TICRR: variants seen among roughly 807,000 people sequenced by gnomAD.
TICRR encodes the protein TOPBP1 interacting checkpoint and replication regulator.
A neutral mutation model predicts 178.1 loss-of-function variants in TICRR; 132 were observed. That is an observed-to-expected ratio of 0.74 (90% confidence interval 0.64 to 0.86). TICRR has a LOEUF of 0.86. TICRR is among the 40% of genes least tolerant of loss of function. The probability of loss-of-function intolerance (pLI) is 0.00; values close to 1 mark genes in which losing one functional copy is unlikely to be tolerated. For synonymous variants in TICRR, 991 were observed against 900.7 expected (o/e 1.10, Z -1.79); for missense variants, 2,587 against 2,334.3 (o/e 1.11, Z -2.23).
Position 89,575,482 on chromosome 15 carries a change from G to A in TICRR, c.-105G>A. ...GGAGAGCGCGGGAGCCTTTCGACCA[G>A]GGTCCCAAAGGAAAGCAGTGAGTGG... On this transcript the variant is annotated 5_prime_UTR_variant, in exon 1 of 22. Transcript: ENST00000268138. The A allele has an allele frequency of 5.1e-6, 6 of 1,170,858 alleles. No individual in the cohort carries two copies. The highest frequency in any genetic ancestry group is 6.8e-6 in the Non-Finnish European group (6 of 877,136). 72.5% of individuals were successfully genotyped at this position (1,170,858 alleles called of 1,614,324 possible).
At chr15:89,587,717 A>G (rs1371771656) in intron 4 of TICRR, among the ~76,000 whole-genome samples, 4 of 152,064 alleles carry the variant, frequency 2.6e-5, no homozygotes, top group Non-Finnish European at 5.9e-5. Context: ...GATGGTTGTG[A>G]TACTAGTTTT....
rs181994093 is a variant in TICRR, at chr15:89,610,949, C to T, written c.2869+2000C>T. ...AAGCCAACCTCTTTTCAATAATATA[C>T]ACTCTGCTACTATGTATTTCTGTCT... On this transcript the variant is annotated intron_variant, in intron 15 of 21. Transcript: ENST00000268138. Among the ~76,000 whole-genome samples the T allele has an allele frequency of 1.8e-4, 27 of 152,014 alleles. 1 individual carries two copies. The East Asian group carries it at 5.0e-3, about 28-fold the overall frequency.
At position 89,601,992 on chromosome 15, in the gene TICRR, A is replaced by G. The variant is rs751636056; in HGVS notation, c.2567+16A>G. ...AGAAGAGAAGGTAAGAGGTCAAAGA[A>G]TCAAAGGAATTATTTGCACTGTTAT... On this transcript the variant is annotated intron_variant, in intron 12 of 21. Coordinates refer to ENST00000268138, the MANE Select transcript of TICRR (RefSeq NM_152259.4). The G allele has an allele frequency of 3.1e-6, 5 of 1,613,356 alleles. No individual in the cohort carries two copies. Among genetic ancestry groups the G allele is most frequent in the Non-Finnish European group, 2.5e-6 (3 of 1,179,770 alleles).
intron 19 of TICRR, among the ~76,000 whole-genome samples, chr15:89,622,319 C>T (rs1015538443): frequency 1.3e-5 from 2 of 152,118 alleles, no homozygotes; most frequent in African/African-American, 4.8e-5. Flanking sequence ...CCCCTCTTCT[C>T]CCCTACTGCA....
chr15:89,584,613 A>G, intron 3 of TICRR, 86 bp downstream of exon 3: 2 of 1,352,170 alleles, frequency 1.5e-6, no homozygotes, highest in Non-Finnish European at 2.0e-6. Context: ...GCCCTACACA[A>G]TATAGTCTTA....
At chr15:89,609,098 A>ATATTT in intron 15 of TICRR, 149 bp downstream of exon 15, 2 of 167,372 alleles carry the variant, frequency 1.2e-5, no homozygotes, top group Non-Finnish European at 2.0e-5. Flanking sequence ...AATTTTGTTA[A>ATATTT]TCTTTTTTTT....
At position 89,624,835 on chromosome 15, in the gene TICRR, TCTC is replaced by T. The variant is rs767563729; in HGVS notation, c.4531_4533del (p.Pro1511del). 3.1e-6 allele frequency: 5 copies of T among 1,614,136 alleles called. No individual in the cohort carries two copies. Among genetic ancestry groups the T allele is most frequent in the South Asian group, 1.1e-5 (1 of 91,088 alleles). On this transcript the variant is annotated inframe_deletion, in exon 20 of 22. Transcript: ENST00000268138. ...TCTGTCTCACCCTGGGATTCCCCCA[TCTC>T]CTCCTTCCTGTGGGCCTGGCTCTCC...
chr15:89,626,192 A>G, intron 21 of TICRR, 131 bp downstream of exon 21: 1 of 966,910 alleles, frequency 1.0e-6, no homozygotes, highest in Non-Finnish European at 1.5e-6. Context: ...TCGCGCCTAC[A>G]GCGTCATGTG....
At position 89,619,864 on chromosome 15, in the gene TICRR, C is replaced by G. The variant is rs548325094; in HGVS notation, c.3154+22C>G. 108 of 1,589,666 alleles carry G rather than the reference C, an allele frequency of 6.8e-5. 2 individuals carry two copies. The South Asian group carries it at 1.2e-3, about 18-fold the overall frequency. ...TCAGGTAACATACGGGCCCCTCTGC[C>G]TTCACAAGTCCGTGCTGACTTGGTG... On this transcript the variant is annotated intron_variant, in intron 18 of 21. Transcript: ENST00000268138.
At chr15:89,614,529 C>G (rs1284643493) in intron 15 of TICRR, among the ~76,000 whole-genome samples, 1 of 152,130 alleles carries the variant, frequency 6.6e-6, no homozygotes, top group Non-Finnish European at 1.5e-5. Context: ...TGTGGTTTCA[C>G]CACGTTGGCC....
intron 15 of TICRR, among the ~76,000 whole-genome samples, chr15:89,611,806 G>A (rs1963260323): frequency 6.6e-6 from 1 of 151,828 alleles, no homozygotes; most frequent in Non-Finnish European, 1.5e-5. Flanking sequence ...ATTTCTACTG[G>A]ATTCTTTTTT....
At position 89,624,752 on chromosome 15, in the gene TICRR, A is replaced by AC; in HGVS notation, c.4443dup (p.Val1482ArgfsTer8). 6.2e-7 allele frequency: 1 copy of AC among 1,614,204 alleles called. No individual in the cohort carries two copies. Among genetic ancestry groups the AC allele is most frequent in the Admixed American group, 1.7e-5 (1 of 60,030 alleles). On this transcript the variant is annotated frameshift_variant, in exon 20 of 22. Coordinates refer to ENST00000268138, the MANE Select transcript of TICRR (RefSeq NM_152259.4). LOFTEE classifies it high-confidence loss of function. ...CATGGCATTGGTGACTTGAAAAGTA[A>AC]CGTCTTATCAGTGGAAGAGGGTGAG...
At chr15:89,595,645 A>T (rs765530459) in intron 7 of TICRR, 34 bp downstream of exon 7, 12 of 1,518,916 alleles carry the variant, frequency 7.9e-6, no homozygotes, top group Non-Finnish European at 1.1e-5. Flanking sequence ...ACTCTTTTAT[A>T]CCCCGCTTTT....
At chr15:89,622,323 T>C (rs2141982555) in intron 19 of TICRR, among the ~76,000 whole-genome samples, 1 of 152,124 alleles carries the variant, frequency 6.6e-6, no homozygotes, top group East Asian at 1.9e-4. Flanking sequence ...TCTTCTCCCC[T>C]ACTGCAATTC....
intron 7 of TICRR, among the ~76,000 whole-genome samples, chr15:89,596,420 C>G (rs937915643): frequency 6.6e-6 from 1 of 152,106 alleles, no homozygotes; most frequent in Non-Finnish European, 1.5e-5. Context: ...GATCTTGGCT[C>G]ACTGCAACCT....
chr15:89,610,797 A>G (rs1013007240), intron 15 of TICRR, among the ~76,000 whole-genome samples: 5 of 151,496 alleles, frequency 3.3e-5, no homozygotes, highest in African/African-American at 9.7e-5. Context: ...GTAGTATACT[A>G]GTTTAATTCC....
At chr15:89,582,378 T>G (rs1962743291) in intron 1 of TICRR, 1 of 251,302 alleles carries the variant, frequency 4.0e-6, no homozygotes, top group South Asian at 9.4e-5. Context: ...CTATGTTCCT[T>G]CTAACATTTT....
chr15:89,576,264 A>T lies in TICRR; in HGVS notation c.654+24A>T, dbSNP rs79284973. On this transcript the variant is annotated intron_variant, in intron 1 of 21. Coordinates refer to ENST00000268138, the MANE Select transcript of TICRR (RefSeq NM_152259.4). ...AGGTAAGGAAGGTTACTGTCGTCTC[A>T]GATGGCGTGCACGGTGCTTTCCTTG... 4.3e-3 allele frequency: 6,588 copies of T among 1,520,358 alleles called. 169 individuals carry two copies. In the African/African-American group the frequency reaches 0.066, roughly 15 times the overall value. 94.2% of individuals were successfully genotyped at this position (1,520,358 alleles called of 1,614,324 possible). A position where few individuals can be genotyped will look rare whatever the true frequency, so the allele number is the denominator to read the frequency against.
In TICRR at chr15:89,575,495, A is replaced by G; in HGVS notation, c.-92A>G. On this transcript the variant is annotated 5_prime_UTR_variant, in exon 1 of 22. Coordinates refer to ENST00000268138, the MANE Select transcript of TICRR (RefSeq NM_152259.4). ...GCCTTTCGACCAGGGTCCCAAAGGAAAGCAGTGAGTGGTGCTGTTTCCCTG... is the reference window on the plus strand; with the variant it reads ...GCCTTTCGACCAGGGTCCCAAAGGAGAGCAGTGAGTGGTGCTGTTTCCCTG... 2 of 1,256,950 alleles carry G rather than the reference A, an allele frequency of 1.6e-6. No individual in the cohort carries two copies. The highest frequency in any genetic ancestry group is 3.3e-5 in the South Asian group (2 of 61,268). The allele number at this position is 1,256,950 out of a possible 1,614,324, so 77.9% of individuals were successfully genotyped here.
Sources: allele counts gnomAD v4.1 joint callset (sites outside exome capture counted in the v4.1 genomes callset), GRCh38; gene constraint gnomAD v4.1.1; transcripts MANE v1.5; gene names NCBI Gene and HGNC (gene_info 2026-07-23, HGNC 2026-07-21).